MEIKIN: variants seen among roughly 807,000 people sequenced by gnomAD.
MEIKIN encodes the protein meiotic kinetochore factor.
intron 9 of MEIKIN, among the ~76,000 whole-genome samples, chr5:131,872,987 T>C (rs897635644): frequency 9.9e-5 from 15 of 151,996 alleles, no homozygotes; most frequent in African/African-American, 3.6e-4. Context: ...CTAAAAGAGC[T>C]CCTGAAGGAA....
At chr5:131,842,731 A>G (rs772068209) in intron 11 of MEIKIN, among the ~76,000 whole-genome samples, 4 of 152,156 alleles carry the variant, frequency 2.6e-5, no homozygotes, top group African/African-American at 4.8e-5. Flanking sequence ...TTTTAAGCTG[A>G]TAACAACTTA....
intron 11 of MEIKIN, among the ~76,000 whole-genome samples, chr5:131,834,626 C>T (rs1379964601): frequency 6.6e-6 from 1 of 152,188 alleles, no homozygotes; most frequent in Non-Finnish European, 1.5e-5. Flanking sequence ...TACTGTCATC[C>T]AGGTTCATAC....
At chr5:131,870,947 C>A (rs1448322640) in intron 9 of MEIKIN, among the ~76,000 whole-genome samples, 2 of 152,272 alleles carry the variant, frequency 1.3e-5, no homozygotes, top group East Asian at 1.9e-4. Context: ...AGACCTGCCA[C>A]AACCTCCTCA....
At chr5:131,906,901 T>C (rs1470656304) in intron 8 of MEIKIN, among the ~76,000 whole-genome samples, 1 of 152,072 alleles carries the variant, frequency 6.6e-6, no homozygotes, top group African/African-American at 2.4e-5. Context: ...AAAGTACCTA[T>C]CAGGTACTAT....
In MEIKIN at chr5:131,942,682, T is replaced by C. The variant is rs1751893335; in HGVS notation, c.302A>G (p.Asp101Gly). The change falls in exon 4 of 13, where the codon GAT becomes GGT. Residue 101 changes from aspartate (D) to glycine (G), a missense_variant. Physicochemically the swap from Asp to Gly is moderately conservative, Grantham distance 94. Coordinates refer to ENST00000442687, the MANE Select transcript of MEIKIN (RefSeq NM_001303622.2). ...KIASLRESVT[D>G]DLQVDSSSSN... ...TGAACTACTATCAACCTGGAGGTCA[T>C]CAGTAACTGATTCCTAAGTGAAATA... The C allele has an allele frequency of 2.5e-6, 1 of 398,396 alleles. No individual in the cohort carries two copies. Among genetic ancestry groups the C allele is most frequent in the Admixed American group, 4.4e-5 (1 of 22,708 alleles). The allele number at this position is 398,396 out of a possible 1,614,324, so 24.7% of individuals were successfully genotyped here. A position where few individuals can be genotyped will look rare whatever the true frequency, so the allele number is the denominator to read the frequency against.
chr5:131,832,684 A>T (rs1749735570), intron 11 of MEIKIN, among the ~76,000 whole-genome samples: 1 of 152,202 alleles, frequency 6.6e-6, no homozygotes, highest in African/African-American at 2.4e-5. Flanking sequence ...ATATCTTTTT[A>T]AATCTAAGAA....
intron 9 of MEIKIN, among the ~76,000 whole-genome samples, chr5:131,870,134 T>C (rs1324074197): frequency 1.7e-5 from 1 of 57,272 alleles, no homozygotes; most frequent in Admixed American, 1.5e-4. Flanking sequence ...CTGATTTGAT[T>C]ATTATGCATT....
chr5:131,854,863 G>T, intron 9 of MEIKIN, 29 bp from the exon 10 acceptor site: 1 of 397,052 alleles, frequency 2.5e-6, no homozygotes, highest in South Asian at 1.3e-4. Flanking sequence ...AACAGGGATT[G>T]AACAGCAGAA....
chr5:131,867,848 T>C (rs181916084), intron 9 of MEIKIN, among the ~76,000 whole-genome samples: 52 of 152,374 alleles, frequency 3.4e-4, no homozygotes, highest in Non-Finnish European at 5.6e-4. Context: ...AGGTGCATAC[T>C]TTGTGTGGAT....
At chr5:131,898,984 G>A (rs964418758) in intron 8 of MEIKIN, among the ~76,000 whole-genome samples, 3 of 152,168 alleles carry the variant, frequency 2.0e-5, no homozygotes, top group African/African-American at 7.2e-5. Context: ...AGTTGGAAAT[G>A]CAGAAATTAC....
At chr5:131,906,747 A>G (rs1335201196) in intron 8 of MEIKIN, among the ~76,000 whole-genome samples, 1 of 152,166 alleles carries the variant, frequency 6.6e-6, no homozygotes, top group Non-Finnish European at 1.5e-5. Flanking sequence ...CCATTATTCT[A>G]AGCAAACTAA....
chr5:131,914,467 G>C (rs968483875), intron 7 of MEIKIN, among the ~76,000 whole-genome samples: 1 of 140,772 alleles, frequency 7.1e-6, no homozygotes, highest in African/African-American at 2.6e-5. Flanking sequence ...AGGGGAGAGA[G>C]AGAGAGAAAG....
chr5:131,834,331 T>A (rs1580864422), intron 11 of MEIKIN, among the ~76,000 whole-genome samples: 1 of 152,212 alleles, frequency 6.6e-6, no homozygotes, highest in African/African-American at 2.4e-5. Context: ...GCTTCCCTTT[T>A]TTGTTTGTGG....
chr5:131,829,899 G>C (rs1749683481), intron 11 of MEIKIN, among the ~76,000 whole-genome samples: 1 of 152,196 alleles, frequency 6.6e-6, no homozygotes. Flanking sequence ...CTTGATTTCA[G>C]ACCTCTGGCC....
intron 11 of MEIKIN, among the ~76,000 whole-genome samples, chr5:131,845,133 G>T (rs1171244200): frequency 6.6e-6 from 1 of 151,946 alleles, no homozygotes; most frequent in Non-Finnish European, 1.5e-5. Context: ...AGCCAGGCAT[G>T]GTCGTGGGCA....
chr5:131,843,814 T>C (rs1749961698), intron 11 of MEIKIN, among the ~76,000 whole-genome samples: 1 of 152,224 alleles, frequency 6.6e-6, no homozygotes. Flanking sequence ...TCTCTGCCCA[T>C]TACTCAGTTC....
chr5:131,941,546 T>C (rs1201003191), intron 4 of MEIKIN, among the ~76,000 whole-genome samples: 1 of 152,208 alleles, frequency 6.6e-6, no homozygotes, highest in East Asian at 1.9e-4. Context: ...GTGGTTTTTT[T>C]TCCTGCTGTT....
At chr5:131,891,877 T>C (rs1464432420) in intron 8 of MEIKIN, among the ~76,000 whole-genome samples, 5 of 152,218 alleles carry the variant, frequency 3.3e-5, no homozygotes, top group Admixed American at 3.3e-4. Context: ...CCGTGTTCAG[T>C]GCTTCCCTCA....
At chr5:131,874,185 C>T (rs1290937337) in intron 9 of MEIKIN, among the ~76,000 whole-genome samples, 7 of 151,940 alleles carry the variant, frequency 4.6e-5, no homozygotes, top group African/African-American at 7.3e-5. Flanking sequence ...AAAAACCCTT[C>T]GAAAAATTAA....
Sources: gnomAD v4.1 joint callset for allele counts (sites outside exome capture counted in the v4.1 genomes callset) on GRCh38, gnomAD v4.1.1 for gene constraint, MANE v1.5 for transcripts, NCBI Gene and HGNC (gene_info 2026-07-23, HGNC 2026-07-21) for gene names.